SLF1: variants seen among roughly 807,000 people sequenced by gnomAD.
The protein encoded by SLF1 is SMC5/6 complex localization factor 1, also known as SMC5-SMC6 complex localization factor protein 1.
SLF1 carries 105 observed loss-of-function variants against 123.0 expected under a neutral mutation model. The observed-to-expected ratio is 0.85, with a 90% CI of 0.73 to 1.00. SLF1 has a LOEUF of 1.00. SLF1 is among the 50% of genes least tolerant of loss of function. The pLI is 0.00. For synonymous variants in SLF1, 434 were observed against 406.6 expected (o/e 1.07, Z -0.81); for missense variants, 1,239 against 1,223.0 (o/e 1.01, Z -0.20).
chr5:94,629,430 T>G (rs1744966613), intron 3 of SLF1, among the ~76,000 whole-genome samples: 1 of 152,210 alleles, frequency 6.6e-6, no homozygotes, highest in Non-Finnish European at 1.5e-5. Flanking sequence ...AAAAATACAT[T>G]AATGAAAAGA....
chr5:94,688,933 C>G (rs1379500166), intron 17 of SLF1, among the ~76,000 whole-genome samples: 1 of 152,062 alleles, frequency 6.6e-6, no homozygotes, highest in Non-Finnish European at 1.5e-5. Flanking sequence ...AATTTTTGCC[C>G]TATGATTTGA....
Position 94,670,904 on chromosome 5 carries a change from A to G in SLF1, c.1723A>G (p.Ile575Val), listed in dbSNP as rs1258514637. 1 of 1,550,226 alleles carries G rather than the reference A, an allele frequency of 6.5e-7. No individual in the cohort carries two copies. The highest frequency in any genetic ancestry group is 2.5e-5 in the East Asian group (1 of 40,806). ...AACAGGAAAGGCAATGCTTCTTGAA[A>G]TTTTTTGGTCAGGAAGTGAAACCTC... ...KITGKAMLLEIFWSGSETSGL... is the reference protein window; with the variant it reads ...KITGKAMLLEVFWSGSETSGL... Residue 575 changes from isoleucine to valine, a missense_variant, in exon 14 of 21, where the codon ATT becomes GTT. Coordinates refer to ENST00000265140, the MANE Select transcript of SLF1 (RefSeq NM_032290.4).
intron 18 of SLF1, among the ~76,000 whole-genome samples, chr5:94,690,561 G>A (rs1038268454): frequency 5.3e-5 from 8 of 152,098 alleles, no homozygotes; most frequent in African/African-American, 1.9e-4. Flanking sequence ...AGAGAATTGA[G>A]ATATAGTAGA....
intron 18 of SLF1, among the ~76,000 whole-genome samples, chr5:94,689,940 G>A (rs1359278273): frequency 1.3e-5 from 2 of 152,084 alleles, no homozygotes; most frequent in Admixed American, 6.6e-5. Flanking sequence ...TAGGATCAGT[G>A]TCTTCTGATT....
intron 1 of SLF1, among the ~76,000 whole-genome samples, chr5:94,628,304 A>G (rs12653594): frequency 0.14 from 21,401 of 150,670 alleles, 1,723 homozygotes; most frequent in East Asian, 0.33. Context: ...ACACCTGGCT[A>G]ATTTTTATAT....
At chr5:94,685,529 T>G (rs1341850128) in intron 15 of SLF1, among the ~76,000 whole-genome samples, 1 of 152,182 alleles carries the variant, frequency 6.6e-6, no homozygotes, top group Non-Finnish European at 1.5e-5. Context: ...TATTAATAGT[T>G]TATAATATTA....
chr5:94,625,170 G>T (rs1266633614), intron 1 of SLF1, among the ~76,000 whole-genome samples: 1 of 148,066 alleles, frequency 6.8e-6, no homozygotes, highest in Non-Finnish European at 1.5e-5. Flanking sequence ...TCCAGCCTGG[G>T]CGACAGAGCG....
chr5:94,689,719 G>A (rs1305141141), intron 18 of SLF1, 113 bp downstream of exon 18: 1 of 906,324 alleles, frequency 1.1e-6, no homozygotes, highest in Non-Finnish European at 1.6e-6. Context: ...TATTGGACTA[G>A]GTCCAGGAAG....
intron 14 of SLF1, among the ~76,000 whole-genome samples, chr5:94,678,105 A>G (rs1473725985): frequency 1.3e-5 from 2 of 151,978 alleles, no homozygotes; most frequent in African/African-American, 4.8e-5. Flanking sequence ...TATTTTTAGT[A>G]GAGACGGGGT....
chr5:94,660,927 G>A (rs565857572), intron 9 of SLF1, among the ~76,000 whole-genome samples: 1 of 152,266 alleles, frequency 6.6e-6, no homozygotes, highest in South Asian at 2.1e-4. Context: ...GTAGGACACT[G>A]TGTAGGTGAG....
In SLF1 at chr5:94,655,884, A is replaced by G. The variant is rs568531307; in HGVS notation, c.1155+1132A>G. On this transcript the variant is annotated intron_variant, in intron 9 of 20. Transcript: ENST00000265140. ...TTCATGTTTTTCTACATATGAGATC[A>G]TGTCGTCTCCAGAGAGGGACAATTT... 2.0e-5 allele frequency among the ~76,000 whole-genome samples: 3 copies of G among 152,100 alleles called. No homozygotes were observed. The South Asian group carries it at 6.2e-4, about 32-fold the overall frequency.
At chr5:94,679,228 T>G (rs1258793597) in intron 15 of SLF1, among the ~76,000 whole-genome samples, 1 of 152,226 alleles carries the variant, frequency 6.6e-6, no homozygotes, top group Non-Finnish European at 1.5e-5. Context: ...ATACTATATA[T>G]GTAATTTTGC....
chr5:94,641,646 T>C (rs903982122), intron 4 of SLF1, among the ~76,000 whole-genome samples: 2 of 152,306 alleles, frequency 1.3e-5, no homozygotes, highest in Non-Finnish European at 2.9e-5. Context: ...ATCCTTAAAC[T>C]ACTAGGTCAT....
chr5:94,661,814 G>A (rs1749157732), intron 9 of SLF1, among the ~76,000 whole-genome samples: 1 of 152,176 alleles, frequency 6.6e-6, no homozygotes, highest in Non-Finnish European at 1.5e-5. Flanking sequence ...TGGGATTACA[G>A]GTGTGAGCCA....
intron 4 of SLF1, among the ~76,000 whole-genome samples, chr5:94,636,365 T>C (rs190622754): frequency 6.6e-6 from 1 of 152,328 alleles, no homozygotes; most frequent in Non-Finnish European, 1.5e-5. Context: ...TTTCCATAAA[T>C]ATGCTTTCTG....
intron 16 of SLF1, 76 bp downstream of exon 16, chr5:94,686,794 T>G (rs1752479538): frequency 2.1e-6 from 3 of 1,438,666 alleles, no homozygotes; most frequent in South Asian, 1.4e-5. Flanking sequence ...TATTTAGTTA[T>G]TTATTTATTT....
intron 16 of SLF1, among the ~76,000 whole-genome samples, chr5:94,687,524 C>A (rs1346509111): frequency 6.6e-6 from 1 of 152,044 alleles, no homozygotes; most frequent in African/African-American, 2.4e-5. Flanking sequence ...TAGCAATACT[C>A]TGTCTCTAAA....
intron 5 of SLF1, among the ~76,000 whole-genome samples, chr5:94,648,987 T>C (rs1747379640): frequency 6.6e-6 from 1 of 152,226 alleles, no homozygotes; most frequent in African/African-American, 2.4e-5. Flanking sequence ...AAGATAATTG[T>C]TGTTTATTGC....
chr5:94,642,457 G>A (rs1354177148), intron 4 of SLF1, among the ~76,000 whole-genome samples: 1 of 152,184 alleles, frequency 6.6e-6, no homozygotes, highest in African/African-American at 2.4e-5. Flanking sequence ...TATGGGAACT[G>A]TGTTGCTCCT....
Sources: allele counts gnomAD v4.1 joint callset (sites outside exome capture counted in the v4.1 genomes callset), GRCh38; gene constraint gnomAD v4.1.1; transcripts MANE v1.5; gene names NCBI Gene and HGNC (gene_info 2026-07-23, HGNC 2026-07-21).